EXOC6B: variants seen among roughly 807,000 people sequenced by gnomAD.
The protein encoded by EXOC6B is SEC15 homolog B.
A neutral mutation model predicts 113.5 loss-of-function variants in EXOC6B; 54 were observed. That is an observed-to-expected ratio of 0.48 (90% CI 0.38 to 0.60). The LOEUF is 0.60. Ranked by LOEUF, EXOC6B falls within the 20% of genes least tolerant of loss-of-function variation. The pLI is 0.00. For synonymous variants in EXOC6B, 357 were observed against 339.0 expected (o/e 1.05, Z -0.58); for missense variants, 797 against 977.5 (o/e 0.82, Z 2.46).
intron 17 of EXOC6B, among the ~76,000 whole-genome samples, chr2:72,473,759 C>T (rs1180458393): frequency 6.6e-6 from 1 of 151,928 alleles, no homozygotes; most frequent in Non-Finnish European, 1.5e-5. Context: ...CTTTCCTTTT[C>T]TCTTACTGTT....
intron 18 of EXOC6B, among the ~76,000 whole-genome samples, chr2:72,397,822 A>G (rs1157820809): frequency 6.6e-6 from 1 of 152,104 alleles, no homozygotes; most frequent in Non-Finnish European, 1.5e-5. Context: ...GAAAGCCATC[A>G]AATGGGGCTG....
chr2:72,810,706 CA>C (rs1370280448), intron 1 of EXOC6B, among the ~76,000 whole-genome samples: 1 of 151,776 alleles, frequency 6.6e-6, no homozygotes, highest in Non-Finnish European at 1.5e-5. Context: ...TGTAGCAAAT[CA>C]AAAAATATGA....
chr2:72,652,409 A>C (rs539219146), intron 6 of EXOC6B, among the ~76,000 whole-genome samples: 3 of 152,248 alleles, frequency 2.0e-5, no homozygotes, highest in Non-Finnish European at 4.4e-5. Context: ...GCTGCACAGA[A>C]AGCTAAACCT....
At chr2:72,676,310 C>A (rs1217346766) in intron 6 of EXOC6B, among the ~76,000 whole-genome samples, 1 of 152,136 alleles carries the variant, frequency 6.6e-6, no homozygotes, top group Non-Finnish European at 1.5e-5. Flanking sequence ...TACAAAGCAT[C>A]TGATTTAGTG....
rs1007279449 is a variant in EXOC6B, at chr2:72,356,248, C to T, written c.2123-21228G>A. On this transcript the variant is annotated intron_variant, in intron 19 of 21. Coordinates refer to ENST00000272427, the MANE Select transcript of EXOC6B (RefSeq NM_015189.3). ...ATTCATATTCTTTAGTTTCTTCTGA[C>T]GTTCAGGACTGCCTAGCTAACATGT... Among the ~76,000 whole-genome samples, 2 of 152,276 alleles carry T rather than the reference C, an allele frequency of 1.3e-5. 1 individual carries two copies. The highest frequency in any genetic ancestry group is 6.8e-3 in the Middle Eastern group (2 of 294).
rs1326255353 is a variant in EXOC6B, at chr2:72,498,446, T to C, written c.1337+8A>G. The C allele has an allele frequency of 1.9e-6, 3 of 1,593,678 alleles. No individual in the cohort carries two copies. Among genetic ancestry groups the C allele is most frequent in the Non-Finnish European group, 2.6e-6 (3 of 1,164,854 alleles). The stretch of plus-strand genomic sequence containing the variant: ...CACACACACATATGACTATAGATAA[T>C]TTCTCACCTGAAAATACCTGCCCAC... On this transcript the variant is annotated splice_region_variant and intron_variant, in intron 13 of 21. Coordinates refer to ENST00000272427, the MANE Select transcript of EXOC6B (RefSeq NM_015189.3).
At position 72,651,161 on chromosome 2, in the gene EXOC6B, A is replaced by T. The variant is rs78201389; in HGVS notation, c.669+66942T>A. On this transcript the variant is annotated intron_variant, in intron 6 of 21. Transcript: ENST00000272427. ...TGTGCTTTATCTGTTTTAATCTTTCAACTACCCTTTGAGCTAGGTTAATTA... is the reference window on the plus strand; with the variant it reads ...TGTGCTTTATCTGTTTTAATCTTTCTACTACCCTTTGAGCTAGGTTAATTA... Among the ~76,000 whole-genome samples, 367 of 152,368 alleles carry T rather than the reference A, an allele frequency of 2.4e-3. 1 individual carries two copies. Among genetic ancestry groups the T allele is most frequent in the African/African-American group, 8.4e-3 (350 of 41,592 alleles).
intron 18 of EXOC6B, among the ~76,000 whole-genome samples, chr2:72,390,093 C>T (rs1558619188): frequency 3.3e-5 from 5 of 152,074 alleles, no homozygotes; most frequent in Admixed American, 6.6e-5. Context: ...TCAACAACAA[C>T]GAAAAATTCT....
At chr2:72,561,560 G>A (rs141524247) in intron 7 of EXOC6B, among the ~76,000 whole-genome samples, 61 of 152,170 alleles carry the variant, frequency 4.0e-4, no homozygotes, top group African/African-American at 1.2e-3. Flanking sequence ...CAAGGCCTTA[G>A]CCCTTTTATA....
intron 6 of EXOC6B, among the ~76,000 whole-genome samples, chr2:72,608,643 C>A (rs896133355): frequency 2.0e-5 from 3 of 151,878 alleles, no homozygotes; most frequent in African/African-American, 7.3e-5. Context: ...CAACTCACGT[C>A]AAAGCTGAAA....
In EXOC6B at chr2:72,183,187, T is replaced by C. The variant is rs10469963; in HGVS notation, c.2309+888A>G. On this transcript the variant is annotated intron_variant, in intron 21 of 21. Transcript: ENST00000272427. ...CCTTGTCTTCCTAGGATTTGAGACA[T>C]GGTTGACTGGCCATATATGTAGACT... Among the ~76,000 whole-genome samples, 198 of 152,276 alleles carry C rather than the reference T, an allele frequency of 1.3e-3. 1 individual carries two copies. The highest frequency in any genetic ancestry group is 4.7e-3 in the African/African-American group (197 of 41,556).
intron 8 of EXOC6B, among the ~76,000 whole-genome samples, chr2:72,541,312 A>G (rs1375883466): frequency 6.6e-6 from 1 of 152,160 alleles, no homozygotes; most frequent in African/African-American, 2.4e-5. Flanking sequence ...GTCTTGGGTT[A>G]TGTCTTTATC....
At chr2:72,493,446 A>G (rs966339512) in intron 15 of EXOC6B, among the ~76,000 whole-genome samples, 8 of 150,932 alleles carry the variant, frequency 5.3e-5, no homozygotes, top group African/African-American at 2.0e-4. Context: ...ATGTATTCAC[A>G]TGCAAGCAAG....
chr2:72,410,574 G>C (rs1202234515), intron 18 of EXOC6B, among the ~76,000 whole-genome samples: 1 of 152,096 alleles, frequency 6.6e-6, no homozygotes, highest in Non-Finnish European at 1.5e-5. Context: ...GTCTTACAAT[G>C]GTTAAATAGA....
At position 72,184,204 on chromosome 2, in the gene EXOC6B, C is replaced by T; in HGVS notation, c.2197-17G>A. 2 of 1,403,618 alleles carry T rather than the reference C, an allele frequency of 1.4e-6. No individual in the cohort carries two copies. The highest frequency in any genetic ancestry group is 2.5e-5 in the East Asian group (1 of 40,102). 86.9% of individuals were successfully genotyped at this position (1,403,618 alleles called of 1,614,324 possible). A position where few individuals can be genotyped will look rare whatever the true frequency, so the allele number is the denominator to read the frequency against. On this transcript the variant is annotated splice_polypyrimidine_tract_variant and intron_variant, in intron 20 of 21. Coordinates refer to ENST00000272427, the MANE Select transcript of EXOC6B (RefSeq NM_015189.3). ...ATCCAAAAGCTGTAAAATATCCAAACCCCACCCCAGGGATTAGTCAGACAG... is the reference window on the plus strand; with the variant it reads ...ATCCAAAAGCTGTAAAATATCCAAATCCCACCCCAGGGATTAGTCAGACAG...
chr2:72,401,648 T>TATATATATATACATATATAC (rs1693318888), intron 18 of EXOC6B, among the ~76,000 whole-genome samples: 14 of 51,392 alleles, frequency 2.7e-4, no homozygotes, highest in South Asian at 4.2e-4. Flanking sequence ...CATATATACA[T>TATATATATATACATATATAC]ATATATATAT....
chr2:72,628,850 A>T (rs1672220305), intron 6 of EXOC6B, among the ~76,000 whole-genome samples: 1 of 152,160 alleles, frequency 6.6e-6, no homozygotes, highest in Non-Finnish European at 1.5e-5. Flanking sequence ...GAAATGACTA[A>T]GGCAGAAATG....
intron 19 of EXOC6B, among the ~76,000 whole-genome samples, chr2:72,346,079 T>A (rs187450756): frequency 2.0e-5 from 3 of 152,238 alleles, no homozygotes; most frequent in Admixed American, 2.0e-4. Context: ...AGGTTTTTTT[T>A]TTAATAGGAA....
At chr2:72,737,880 G>A (rs1681065332) in intron 2 of EXOC6B, among the ~76,000 whole-genome samples, 1 of 152,026 alleles carries the variant, frequency 6.6e-6, no homozygotes, top group African/African-American at 2.4e-5. Flanking sequence ...ACGGTAGCAA[G>A]TTCAAGTTTC....
Sources: gnomAD v4.1 joint callset for allele counts (sites outside exome capture counted in the v4.1 genomes callset) on GRCh38, gnomAD v4.1.1 for gene constraint, MANE v1.5 for transcripts, NCBI Gene and HGNC (gene_info 2026-07-23, HGNC 2026-07-21) for gene names.